Variants in HOXA3 observed in about 807,000 individuals in gnomAD.
HOXA3 encodes homeobox protein Hox-A3.
Under a neutral mutation model 30.3 loss-of-function variants are expected in HOXA3, and 8 were observed. The observed-to-expected ratio is 0.26, with a 90% CI of 0.15 to 0.48. The LOEUF (loss-of-function observed/expected upper bound fraction) is 0.48, where lower values mean the gene tolerates loss of function less well. Among genes scored for constraint, HOXA3 ranks in the 20% least tolerant of loss-of-function variants. The probability of loss-of-function intolerance (pLI) is 0.99; values close to 1 mark genes in which losing one functional copy is unlikely to be tolerated. For synonymous variants in HOXA3, 323 were observed against 273.1 expected, an observed-to-expected ratio of 1.18 and a Z score of -1.80; for missense variants, 653 against 614.4, an observed-to-expected ratio of 1.06 and a Z score of -0.66.
intron 1 of HOXA3, chr7:27,142,184 G>A: frequency 7.3e-7 from 1 of 1,367,888 alleles, no homozygotes; most frequent in Non-Finnish European, 9.8e-7. Flanking sequence ...CAGGCGAAAA[G>A]CTCAACAAGT....
intron 3 of HOXA3, among the ~76,000 whole-genome samples, chr7:27,126,497 T>C (rs187467688): frequency 4.5e-4 from 68 of 152,152 alleles, no homozygotes; most frequent in Admixed American, 1.4e-3. Flanking sequence ...TGAACTCTTA[T>C]GGTTGCCCTA....
chr7:27,122,480 G>C (rs1359443009), intron 4 of HOXA3, 79 bp downstream of exon 4: 1 of 152,256 alleles, frequency 6.6e-6, no homozygotes, highest in East Asian at 1.9e-4. Context: ...GCGGTTGCCA[G>C]GAACCGTGGA....
At chr7:27,130,009 C>G in intron 2 of HOXA3, 2 of 1,291,756 alleles carry the variant, frequency 1.5e-6, no homozygotes, top group South Asian at 2.6e-5. Flanking sequence ...CAGATGGGGG[C>G]TCCCCTCCCG....
chr7:27,141,963 C>G, intron 1 of HOXA3: 1 of 1,614,264 alleles, frequency 6.2e-7, no homozygotes, highest in Non-Finnish European at 8.5e-7. Flanking sequence ...AGAGCATGTG[C>G]TATTTCAATC....
chr7:27,143,313 C>A (rs1055240029), intron 1 of HOXA3: 8 of 1,599,066 alleles, frequency 5.0e-6, no homozygotes, highest in South Asian at 4.4e-5. Flanking sequence ...GGCAGCGGAT[C>A]GGGCTGAGGA....
At chr7:27,133,143 C>G (rs1247314379) in intron 2 of HOXA3, among the ~76,000 whole-genome samples, 1 of 152,138 alleles carries the variant, frequency 6.6e-6, no homozygotes, top group African/African-American at 2.4e-5. Flanking sequence ...CAAACGGAGC[C>G]AGGACCACCA....
At chr7:27,129,635 G>A (rs1785434576) in intron 2 of HOXA3, 4 of 1,578,818 alleles carry the variant, frequency 2.5e-6, no homozygotes, top group East Asian at 4.5e-5. Flanking sequence ...GGGAAAGGAG[G>A]AGGAGAGAGA....
intron 2 of HOXA3, among the ~76,000 whole-genome samples, chr7:27,131,927 A>G (rs1394615233): frequency 6.6e-6 from 1 of 152,260 alleles, no homozygotes; most frequent in African/African-American, 2.4e-5. Flanking sequence ...CGATATCAGA[A>G]GCTCCGGAAA....
Position 27,108,706 on chromosome 7 carries a change from C to T in HOXA3, c.541G>A (p.Gly181Ser). ...GCCTGCCCCGGCGGGCTCTTGTCGC[C>T]AGCGCAGCTTTCGCCTGCGAGGACA... ...SSSSSGESCAGDKSPPGQASS... is the reference protein window; with the variant it reads ...SSSSSGESCASDKSPPGQASS... The change falls in exon 6 of 6, where the codon GGC becomes AGC. Residue 181 changes from glycine to serine, a missense_variant. By Grantham distance (56) the Gly-to-Ser change is moderately conservative. Transcript: ENST00000612286. The surrounding 1 kb of genome is among the most constrained non-coding windows in gnomAD (Gnocchi z 5.0). 6.2e-7 allele frequency: 1 copy of T among 1,602,062 alleles called. No individual in the cohort carries two copies. The highest frequency in any genetic ancestry group is 1.1e-5 in the South Asian group (1 of 90,488).
chr7:27,127,178 G>A (rs979426326), intron 2 of HOXA3, 108 bp from the exon 3 acceptor site: 11 of 152,174 alleles, frequency 7.2e-5, no homozygotes, highest in Non-Finnish European at 1.3e-4. Context: ...GTGTAGTAGG[G>A]GGAGGGTTAA....
In HOXA3 at chr7:27,130,840, C is replaced by A. The variant is rs1203483023; in HGVS notation, c.-389-3770G>T. 4.3e-5 allele frequency: 48 copies of A among 1,113,872 alleles called. No individual in the cohort carries two copies. In the African/African-American group the frequency reaches 6.4e-4, roughly 15 times the overall value. The allele number at this position is 1,113,872 out of a possible 1,614,324, so 69.0% of individuals were successfully genotyped here. On this transcript the variant is annotated intron_variant, in intron 2 of 5. Coordinates refer to ENST00000612286, the MANE Select transcript of HOXA3 (RefSeq NM_153631.3). Reference sequence around the variant, plus strand: ...TCGCTTCCCATCCCCCTTTCCTCTGCGCCCTTCCCCTCCCCCCGCTGTCAA... The same window carrying A: ...TCGCTTCCCATCCCCCTTTCCTCTGAGCCCTTCCCCTCCCCCCGCTGTCAA...
intron 1 of HOXA3, among the ~76,000 whole-genome samples, chr7:27,140,734 G>C (rs1452252579): frequency 6.7e-6 from 1 of 148,596 alleles, no homozygotes; most frequent in Non-Finnish European, 1.5e-5. Context: ...GTGGCCTGAG[G>C]GCGGCTAACA....
At position 27,107,304 on chromosome 7, in the gene HOXA3, T is replaced by C. The variant is rs1784062780; in HGVS notation, c.*611A>G. 1 of 152,130 alleles carries C rather than the reference T, an allele frequency of 6.6e-6. No homozygotes were observed. The highest frequency in any genetic ancestry group is 1.5e-5 in the Non-Finnish European group (1 of 68,016). The allele number at this position is 152,130 out of a possible 1,614,324, so 9.4% of individuals were successfully genotyped here. A position where few individuals can be genotyped will look rare whatever the true frequency, so the allele number is the denominator to read the frequency against. On this transcript the variant is annotated 3_prime_UTR_variant, in exon 6 of 6. Transcript: ENST00000612286. ...CCTTCTGAACCATCAGGGTACAGAA[T>C]TCTTTAATATAAATACGAACGGATG...
At chr7:27,125,568 C>T (rs1785246986) in intron 3 of HOXA3, among the ~76,000 whole-genome samples, 1 of 152,162 alleles carries the variant, frequency 6.6e-6, no homozygotes, top group African/African-American at 2.4e-5. Flanking sequence ...CTTTGGAACA[C>T]GAAGCAGAAT....
intron 2 of HOXA3, chr7:27,130,263 G>T: frequency 8.4e-7 from 1 of 1,183,516 alleles, no homozygotes; most frequent in Non-Finnish European, 1.0e-6. Context: ...GGGCCGCCTC[G>T]CAGCGCCGCG....
intron 4 of HOXA3, 21 bp downstream of exon 4, chr7:27,122,536 AAG>A (rs1011595019): frequency 1.3e-5 from 2 of 152,190 alleles, no homozygotes; most frequent in African/African-American, 4.8e-5. Context: ...CCACGCGGCG[AAG>A]AGTTTTGGAG....
chr7:27,128,677 T>A, intron 2 of HOXA3: 3 of 168,864 alleles, frequency 1.8e-5, no homozygotes, highest in East Asian at 1.5e-4. Context: ...GTGTCTTAAA[T>A]AAATGCAAGT....
intron 1 of HOXA3, chr7:27,142,070 G>C: frequency 6.2e-7 from 1 of 1,613,662 alleles, no homozygotes; most frequent in Non-Finnish European, 8.5e-7. Context: ...TTTGCCTTCC[G>C]GGCCGCCTAT....
chr7:27,143,226 C>A, intron 1 of HOXA3: 2 of 1,609,940 alleles, frequency 1.2e-6, no homozygotes, highest in Non-Finnish European at 1.7e-6. Flanking sequence ...TCGGCCGAGG[C>A]GCCGCTGGAG....
Sources: allele counts gnomAD v4.1 joint callset (sites outside exome capture counted in the v4.1 genomes callset), GRCh38; gene constraint gnomAD v4.1.1; non-coding constraint Gnocchi (gnomAD v3.1); transcripts MANE v1.5; gene names NCBI Gene and HGNC (gene_info 2026-07-23, HGNC 2026-07-21).